The following TENM2 variants were observed in gnomAD, a reference collection of about 807,000 sequenced individuals.
TENM2 encodes the protein teneurin-2.
A neutral mutation model predicts 245.2 loss-of-function variants in TENM2; 52 were observed. That is an observed-to-expected ratio of 0.21 (90% CI 0.17 to 0.27). The LOEUF (loss-of-function observed/expected upper bound fraction) is 0.27. Among genes scored for constraint, TENM2 ranks in the 10% least tolerant of loss-of-function variants. The pLI is 1.00. For missense variants in TENM2, 3,046 were observed against 3,666.8 expected (o/e 0.83, Z 4.37); for synonymous variants, 1,363 against 1,438.9 (o/e 0.95, Z 1.19).
At chr5:167,676,527 A>C (rs969420860) in intron 2 of TENM2, among the ~76,000 whole-genome samples, 4 of 152,096 alleles carry the variant, frequency 2.6e-5, no homozygotes, top group African/African-American at 9.7e-5. Context: ...GCAATATGGC[A>C]AGTATAAAGC....
intron 4 of TENM2, among the ~76,000 whole-genome samples, chr5:167,961,382 T>A (rs768716158): frequency 2.0e-5 from 3 of 152,216 alleles, no homozygotes; most frequent in Non-Finnish European, 2.9e-5. Flanking sequence ...TGGTATTTTC[T>A]GTCTTTTTCC....
intron 1 of TENM2, among the ~76,000 whole-genome samples, chr5:167,324,148 A>T (rs115254786): frequency 6.6e-4 from 101 of 152,288 alleles, no homozygotes; most frequent in Admixed American, 1.9e-3. Flanking sequence ...AAGTTACATG[A>T]AGCATTAAAT....
intron 15 of TENM2, among the ~76,000 whole-genome samples, chr5:168,198,188 C>CTTTT (rs35539116): frequency 8.7e-4 from 83 of 95,848 alleles, no homozygotes; most frequent in African/African-American, 1.3e-3. Context: ...CCAATGAACC[C>CTTTT]TTTTTTTTTT....
the TENM2 span, among the ~76,000 whole-genome samples, chr5:167,088,226 T>C: frequency 1.3e-5 from 2 of 152,182 alleles, no homozygotes. Context: ...AAAGTGAAAA[T>C]AGTCCTGTAT....
At chr5:168,205,625 A>C (rs1482533021) in intron 19 of TENM2, among the ~76,000 whole-genome samples, 1 of 152,116 alleles carries the variant, frequency 6.6e-6, no homozygotes, top group Non-Finnish European at 1.5e-5. Context: ...AGGCAAAGAG[A>C]AGTTGTTCAA....
At chr5:167,425,672 A>G (rs951520967) in intron 2 of TENM2, among the ~76,000 whole-genome samples, 5 of 152,178 alleles carry the variant, frequency 3.3e-5, no homozygotes, top group African/African-American at 1.2e-4. Context: ...CCACAGCTTA[A>G]TAACTGTATG....
chr5:167,378,378 CT>C (rs34403067), intron 2 of TENM2, among the ~76,000 whole-genome samples: 114 of 110,038 alleles, frequency 1.0e-3, no homozygotes, highest in Middle Eastern at 5.0e-3. Context: ...CTTTCTTCTT[CT>C]TTTTTTTTTT....
chr5:167,266,523 C>T, the TENM2 span, among the ~76,000 whole-genome samples: 1 of 152,060 alleles, frequency 6.6e-6, no homozygotes, highest in African/African-American at 2.4e-5. Context: ...AAGGAAAACA[C>T]AAGGAGATAA....
chr5:167,097,911 G>A, the TENM2 span, among the ~76,000 whole-genome samples: 1 of 151,860 alleles, frequency 6.6e-6, no homozygotes, highest in African/African-American at 2.4e-5. Context: ...CTCCTTTTTT[G>A]CTTTGTCCAA....
the TENM2 span, among the ~76,000 whole-genome samples, chr5:167,105,293 C>G: frequency 6.6e-6 from 1 of 152,106 alleles, no homozygotes; most frequent in African/African-American, 2.4e-5. Flanking sequence ...TTGAACATAT[C>G]CATAATGCTT....
intron 2 of TENM2, among the ~76,000 whole-genome samples, chr5:167,571,622 T>C (rs1310628064): frequency 1.3e-5 from 2 of 152,174 alleles, no homozygotes; most frequent in Non-Finnish European, 2.9e-5. Flanking sequence ...ACAGCACTGA[T>C]AGCCATTTGT....
chr5:167,703,677 T>C (rs920263046), intron 2 of TENM2, among the ~76,000 whole-genome samples: 1 of 152,204 alleles, frequency 6.6e-6, no homozygotes, highest in African/African-American at 2.4e-5. Flanking sequence ...TTTCTGGAAA[T>C]GTACGGTAGA....
At chr5:168,181,610 G>A (rs1759894925) in intron 13 of TENM2, among the ~76,000 whole-genome samples, 1 of 149,382 alleles carries the variant, frequency 6.7e-6, no homozygotes, top group Non-Finnish European at 1.5e-5. Context: ...TTGGCAAGAA[G>A]TAGGAGGAAA....
intron 9 of TENM2, among the ~76,000 whole-genome samples, chr5:168,113,431 A>G (rs1424586814): frequency 1.3e-5 from 2 of 152,212 alleles, no homozygotes; most frequent in African/African-American, 2.4e-5. Flanking sequence ...TCCAGCCCAC[A>G]AATTATTTGT....
chr5:167,337,111 G>A (rs1006712307), intron 1 of TENM2, among the ~76,000 whole-genome samples: 2 of 120,972 alleles, frequency 1.7e-5, no homozygotes, highest in Non-Finnish European at 3.2e-5. Context: ...GCGACAGAGG[G>A]AGACTCCGTC....
intron 27 of TENM2, among the ~76,000 whole-genome samples, chr5:168,259,385 C>T (rs1041813248): frequency 1.3e-5 from 2 of 151,874 alleles, no homozygotes; most frequent in Non-Finnish European, 2.9e-5. Flanking sequence ...GTCGGGAGTT[C>T]GAAACCAGCC....
chr5:167,378,388 T>TTTC (rs1386275284), intron 2 of TENM2, among the ~76,000 whole-genome samples: 8 of 151,398 alleles, frequency 5.3e-5, no homozygotes, highest in African/African-American at 1.9e-4. Context: ...CTTTTTTTTT[T>TTTC]TTTTTTGGTA....
chr5:168,251,269 C>G (rs1273129228), intron 27 of TENM2, among the ~76,000 whole-genome samples: 1 of 152,178 alleles, frequency 6.6e-6, no homozygotes, highest in African/African-American at 2.4e-5. Context: ...CCTCACTGAC[C>G]CCCTCAGCTA....
chr5:168,176,753 C>T (rs182990085), intron 13 of TENM2, among the ~76,000 whole-genome samples: 65 of 152,220 alleles, frequency 4.3e-4, no homozygotes, highest in Admixed American at 1.8e-3. Flanking sequence ...AAAGCTTTCA[C>T]GAGAAGTGTT....
Sources: gnomAD v4.1 joint callset for allele counts (sites outside exome capture counted in the v4.1 genomes callset) on GRCh38, gnomAD v4.1.1 for gene constraint, MANE v1.5 for transcripts, NCBI Gene and HGNC (gene_info 2026-07-23, HGNC 2026-07-21) for gene names.